Variants in EPHA3 observed in about 807,000 individuals in gnomAD.
The protein encoded by EPHA3 is EPH receptor A3.
A neutral mutation model predicts 107.1 loss-of-function variants in EPHA3; 42 were observed. The observed-to-expected ratio is 0.39, with a 90% CI of 0.31 to 0.51. EPHA3 has a LOEUF of 0.51. Among genes scored for constraint, EPHA3 ranks in the 20% least tolerant of loss-of-function variants. EPHA3 has a pLI of 0.78. For synonymous variants in EPHA3, 461 were observed against 424.8 expected, an observed-to-expected ratio of 1.09 and a Z score of -1.05; for missense variants, 1,183 against 1,211.2, an observed-to-expected ratio of 0.98 and a Z score of 0.35.
At chr3:89,292,312 A>T (rs564247383) in intron 3 of EPHA3, among the ~76,000 whole-genome samples, 14 of 152,128 alleles carry the variant, frequency 9.2e-5, no homozygotes, top group South Asian at 2.1e-4. Context: ...TTTCCATATC[A>T]TTTACATTGT....
intron 15 of EPHA3, among the ~76,000 whole-genome samples, chr3:89,461,152 G>T: frequency 1.1e-5 from 1 of 93,142 alleles, no homozygotes; most frequent in South Asian, 3.3e-4. Flanking sequence ...CAAAGGATAT[G>T]AACTCATCAT....
In EPHA3 at chr3:89,269,693, C is replaced by T. The variant is rs544271284; in HGVS notation, c.814+59173C>T. ...CATGTATACATGTGCCATGCTGGTG[C>T]GCTGCACCCACTAACTTGTCATCTA... is the stretch of plus-strand genomic sequence containing the variant. On this transcript the variant is annotated intron_variant, in intron 3 of 16. Transcript: ENST00000336596. Among the ~76,000 whole-genome samples, 164 of 150,342 alleles carry T rather than the reference C, an allele frequency of 1.1e-3. 2 individuals carry two copies. Among genetic ancestry groups the T allele is most frequent in the African/African-American group, 3.8e-3 (157 of 40,908 alleles).
chr3:89,319,470 C>A (rs535459603), intron 3 of EPHA3, among the ~76,000 whole-genome samples: 1 of 151,818 alleles, frequency 6.6e-6, no homozygotes, highest in Admixed American at 6.6e-5. Flanking sequence ...GCCAAAGCCC[C>A]GAAGAGAGCT....
At chr3:89,450,111 A>G in intron 14 of EPHA3, 66 bp from the exon 15 acceptor site, 2 of 1,374,678 alleles carry the variant, frequency 1.5e-6, no homozygotes, top group East Asian at 4.8e-5. Context: ...CCCGCCCATG[A>G]AAACGTAAAC....
At chr3:89,333,504 C>T (rs184204658) in intron 3 of EPHA3, among the ~76,000 whole-genome samples, 2 of 152,292 alleles carry the variant, frequency 1.3e-5, no homozygotes, top group Non-Finnish European at 2.9e-5. Flanking sequence ...CTCGATAATG[C>T]ACAAGCATGC....
At chr3:89,304,212 A>G (rs544904632) in intron 3 of EPHA3, among the ~76,000 whole-genome samples, 2 of 152,154 alleles carry the variant, frequency 1.3e-5, no homozygotes, top group South Asian at 4.1e-4. Flanking sequence ...TTTCAGCAAC[A>G]AACTCCCCAC....
At chr3:89,447,594 T>C (rs990436915) in intron 13 of EPHA3, among the ~76,000 whole-genome samples, 3 of 152,304 alleles carry the variant, frequency 2.0e-5, no homozygotes, top group African/African-American at 7.2e-5. Flanking sequence ...TCCTCTTCCA[T>C]TATATTTCTT....
intron 6 of EPHA3, among the ~76,000 whole-genome samples, chr3:89,398,629 G>A (rs967672030): frequency 2.0e-5 from 3 of 152,048 alleles, no homozygotes; most frequent in Non-Finnish European, 2.9e-5. Flanking sequence ...ATTCCTATTA[G>A]GTTTAATTCA....
intron 3 of EPHA3, among the ~76,000 whole-genome samples, chr3:89,248,904 A>G (rs1179598974): frequency 6.6e-6 from 1 of 152,238 alleles, no homozygotes; most frequent in African/African-American, 2.4e-5. Context: ...ATTCTTCTGA[A>G]CAGAGAGAAT....
rs1386233725 is a variant in EPHA3, at chr3:89,431,315, T to C, written c.2302T>C (p.Ser768Pro). The part of the protein sequence containing the change: ...LVCKVSDFGL[S>P]RVLEDDPEAA... ...GTGTAAGGTTTCTGATTTCGGACTTTCGCGTGTCCTGGAGGATGACCCAGA... is the reference window on the plus strand; with the variant it reads ...GTGTAAGGTTTCTGATTTCGGACTTCCGCGTGTCCTGGAGGATGACCCAGA... Residue 768 changes from serine (S) to proline (P), a missense_variant, in exon 13 of 17, where the codon TCG becomes CCG. Transcript: ENST00000336596. 1.2e-6 allele frequency: 2 copies of C among 1,613,802 alleles called. No individual in the cohort carries two copies. The highest frequency in any genetic ancestry group is 1.1e-5 in the South Asian group (1 of 91,054).
intron 5 of EPHA3, among the ~76,000 whole-genome samples, chr3:89,394,964 C>T (rs569125315): frequency 1.3e-5 from 2 of 152,258 alleles, no homozygotes; most frequent in South Asian, 2.1e-4. Context: ...TGATAGTATG[C>T]ATTTTTCCTT....
chr3:89,212,888 T>C (rs1194754905), intron 3 of EPHA3, among the ~76,000 whole-genome samples: 1 of 151,974 alleles, frequency 6.6e-6, no homozygotes, highest in Non-Finnish European at 1.5e-5. Flanking sequence ...AGCAGCTAAA[T>C]AGAAAAGTGT....
intron 3 of EPHA3, among the ~76,000 whole-genome samples, chr3:89,278,447 C>G (rs1705862445): frequency 6.6e-6 from 1 of 152,090 alleles, no homozygotes; most frequent in East Asian, 1.9e-4. Flanking sequence ...CAACACAGGG[C>G]TCCCTTTGCT....
intron 3 of EPHA3, among the ~76,000 whole-genome samples, chr3:89,258,341 A>C (rs1163813435): frequency 1.3e-5 from 2 of 152,208 alleles, no homozygotes. Context: ...TTTTTAAAGA[A>C]TATTTTAAGA....
At chr3:89,131,165 G>A (rs1704200798) in intron 2 of EPHA3, among the ~76,000 whole-genome samples, 1 of 114,732 alleles carries the variant, frequency 8.7e-6, no homozygotes, top group South Asian at 2.7e-4. Context: ...CAATGAAAGA[G>A]TTTTATTTGA....
chr3:89,446,396 TA>T (rs1210193175), intron 13 of EPHA3, among the ~76,000 whole-genome samples: 2 of 152,152 alleles, frequency 1.3e-5, no homozygotes, highest in African/African-American at 2.4e-5. Context: ...CTGTTCTTCC[TA>T]AAAATGATCA....
chr3:89,246,471 C>A (rs1705036544), intron 3 of EPHA3, among the ~76,000 whole-genome samples: 1 of 151,336 alleles, frequency 6.6e-6, no homozygotes, highest in Non-Finnish European at 1.5e-5. Flanking sequence ...TGACATAGGA[C>A]ACAGCTGTCT....
intron 8 of EPHA3, 124 bp downstream of exon 8, chr3:89,407,495 G>A: frequency 1.4e-6 from 1 of 725,064 alleles, no homozygotes; most frequent in Non-Finnish European, 2.3e-6. Context: ...GTCTCCACTT[G>A]TAGTTTAGGT....
intron 1 of EPHA3, among the ~76,000 whole-genome samples, chr3:89,114,335 A>C (rs561505430): frequency 1.5e-4 from 23 of 152,284 alleles, no homozygotes; most frequent in Admixed American, 8.5e-4. Flanking sequence ...CCTTGCTGCC[A>C]CCACACCCAC....
Sources: allele counts gnomAD v4.1 joint callset (sites outside exome capture counted in the v4.1 genomes callset), GRCh38; gene constraint gnomAD v4.1.1; transcripts MANE v1.5; gene names NCBI Gene and HGNC (gene_info 2026-07-23, HGNC 2026-07-21).